ARMC2: variants seen among roughly 807,000 people sequenced by gnomAD.
The protein encoded by ARMC2 is armadillo repeat containing 2.
In ARMC2, 67 loss-of-function variants were observed where a neutral mutation model predicts 90.3. The ratio of observed to expected loss-of-function variants is 0.74; its 90% CI spans 0.61 to 0.91. The LOEUF is 0.91. Ranked by LOEUF, ARMC2 falls within the 40% of genes least tolerant of loss-of-function variation. The probability of loss-of-function intolerance (pLI) is 0.00; values close to 1 mark genes in which losing one functional copy is unlikely to be tolerated. For synonymous variants in ARMC2, 393 were observed against 393.0 expected, an observed-to-expected ratio of 1.00 and a Z score of 0.00; for missense variants, 920 against 1,030.9, an observed-to-expected ratio of 0.89 and a Z score of 1.47.
the ARMC2 span, among the ~76,000 whole-genome samples, chr6:109,041,157 C>A: frequency 2.7e-5 from 4 of 148,714 alleles, no homozygotes; most frequent in Non-Finnish European, 6.0e-5. Context: ...AAAAAACAAA[C>A]CAAAACTAGC....
chr6:109,012,098 C>T, the ARMC2 span, among the ~76,000 whole-genome samples: 17 of 152,244 alleles, frequency 1.1e-4, no homozygotes, highest in East Asian at 1.9e-3. Context: ...TACAGGCATG[C>T]GATAAACATC....
intron 11 of ARMC2, among the ~76,000 whole-genome samples, chr6:108,931,463 G>A (rs1247217501): frequency 6.6e-6 from 1 of 151,880 alleles, no homozygotes; most frequent in Non-Finnish European, 1.5e-5. Context: ...TGGGTTAAAT[G>A]GTAGTTCTGC....
the ARMC2 span, among the ~76,000 whole-genome samples, chr6:109,005,120 G>A: frequency 2.0e-5 from 3 of 152,170 alleles, no homozygotes; most frequent in African/African-American, 7.2e-5. Context: ...ATACGTAAAA[G>A]GATAACCACT....
intron 10 of ARMC2, among the ~76,000 whole-genome samples, chr6:108,917,094 C>G (rs1051971162): frequency 6.6e-6 from 1 of 152,128 alleles, no homozygotes; most frequent in Non-Finnish European, 1.5e-5. Context: ...ACTTGTACTT[C>G]CAATCTGTTT....
intron 4 of ARMC2, among the ~76,000 whole-genome samples, chr6:108,873,908 C>G (rs1220718522): frequency 6.6e-6 from 1 of 152,190 alleles, no homozygotes; most frequent in Non-Finnish European, 1.5e-5. Flanking sequence ...TTTGTCTCCC[C>G]TGCTAGATAG....
the ARMC2 span, among the ~76,000 whole-genome samples, chr6:109,035,521 G>C: frequency 6.6e-6 from 1 of 151,136 alleles, no homozygotes; most frequent in East Asian, 1.9e-4. Context: ...TGGGGACAAA[G>C]GCAAAGATGT....
intron 10 of ARMC2, among the ~76,000 whole-genome samples, chr6:108,918,047 A>G (rs1305865697): frequency 2.0e-5 from 3 of 152,156 alleles, no homozygotes; most frequent in Admixed American, 6.5e-5. Flanking sequence ...AGGAGATATG[A>G]GCTGAGGCTT....
chr6:108,988,832 C>G, the ARMC2 span: 3 of 593,170 alleles, frequency 5.1e-6, no homozygotes, highest in Non-Finnish European at 8.5e-6. Flanking sequence ...AGCTTTATAA[C>G]TGCAGATGAA....
In ARMC2 at chr6:108,928,990, A is replaced by G. The variant is rs915031560; in HGVS notation, c.1496+757A>G. ...CCAAATCTGATTTTTTTTTAAATGA[A>G]TGTCAACTTGTATTATAGATTAAAT... On this transcript the variant is annotated intron_variant, in intron 11 of 17. Coordinates refer to ENST00000392644, the MANE Select transcript of ARMC2 (RefSeq NM_032131.6). Among the ~76,000 whole-genome samples the G allele has an allele frequency of 3.9e-5, 6 of 152,260 alleles. 1 individual carries two copies. In the South Asian group the frequency reaches 1.2e-3, roughly 32 times the overall value.
chr6:108,889,544 G>A (rs534532254), intron 5 of ARMC2, among the ~76,000 whole-genome samples: 5 of 151,984 alleles, frequency 3.3e-5, no homozygotes, highest in South Asian at 2.1e-4. Context: ...GGGCTCAAGC[G>A]ATCCTCCTGC....
At chr6:109,006,497 G>A in the ARMC2 span, among the ~76,000 whole-genome samples, 2 of 141,600 alleles carry the variant, frequency 1.4e-5, no homozygotes, top group Non-Finnish European at 3.0e-5. Context: ...CCCACCCTGT[G>A]TCCAAGGAAA....
At chr6:108,939,958 C>T (rs563880668) in intron 12 of ARMC2, among the ~76,000 whole-genome samples, 11 of 152,298 alleles carry the variant, frequency 7.2e-5, no homozygotes, top group South Asian at 2.1e-4. Flanking sequence ...CTGTTTGTCC[C>T]ACATGTGAAG....
At chr6:108,987,806 C>CTTTT in the ARMC2 span, among the ~76,000 whole-genome samples, 21,821 of 135,282 alleles carry the variant, frequency 0.16, 2,316 homozygotes, top group Non-Finnish European at 0.22. Context: ...CAGCAGCTAT[C>CTTTT]TTTTTTTTTT....
chr6:108,961,533 C>T (rs760936612), intron 13 of ARMC2, 39 bp from the exon 14 acceptor site: 15 of 1,553,506 alleles, frequency 9.7e-6, no homozygotes, highest in Non-Finnish European at 1.2e-5. Context: ...TCTACTCCTG[C>T]AGTGGGTCTT....
intron 8 of ARMC2, chr6:108,907,722 C>T: frequency 6.2e-7 from 1 of 1,610,210 alleles, no homozygotes; most frequent in Non-Finnish European, 8.5e-7. Context: ...CCCTTCTTCA[C>T]ATTGATGTAC....
At chr6:109,020,477 C>T in the ARMC2 span, among the ~76,000 whole-genome samples, 2 of 152,060 alleles carry the variant, frequency 1.3e-5, no homozygotes, top group Non-Finnish European at 2.9e-5. Context: ...ATGCTACAGG[C>T]CAAATCCAAA....
chr6:108,960,898 G>C (rs1777954648), intron 13 of ARMC2, among the ~76,000 whole-genome samples: 1 of 152,180 alleles, frequency 6.6e-6, no homozygotes, highest in South Asian at 2.1e-4. Flanking sequence ...GAGCAAATGA[G>C]GCCAGAGAGA....
At chr6:108,862,363 A>AAAAAAAAAAC (rs1562325611) in intron 3 of ARMC2, among the ~76,000 whole-genome samples, 1 of 149,230 alleles carries the variant, frequency 6.7e-6, no homozygotes, top group African/African-American at 2.5e-5. Flanking sequence ...AAAAAACAAA[A>AAAAAAAAAAC]AAAACAAACA....
At chr6:109,045,860 G>C in the ARMC2 span, among the ~76,000 whole-genome samples, 1,189 of 152,292 alleles carry the variant, frequency 7.8e-3, 21 homozygotes, top group African/African-American at 0.028. Flanking sequence ...ATGTTACACA[G>C]AGTAGATAAT....
Sources: allele counts gnomAD v4.1 joint callset (sites outside exome capture counted in the v4.1 genomes callset), GRCh38; gene constraint gnomAD v4.1.1; transcripts MANE v1.5; gene names NCBI Gene and HGNC (gene_info 2026-07-23, HGNC 2026-07-21).